Variants in XPNPEP1 observed in about 807,000 individuals in gnomAD.
The protein encoded by XPNPEP1 is X-prolyl aminopeptidase 1.
A neutral mutation model predicts 92.4 loss-of-function variants in XPNPEP1; 39 were observed. The ratio of observed to expected loss-of-function variants is 0.42; its 90% CI spans 0.33 to 0.55. The LOEUF (loss-of-function observed/expected upper bound fraction) is 0.55. Ranked by LOEUF, XPNPEP1 falls within the 20% of genes least tolerant of loss-of-function variation. XPNPEP1 has a pLI of 0.08. For synonymous variants in XPNPEP1, 307 were observed against 299.4 expected, an observed-to-expected ratio of 1.03 and a Z score of -0.26; for missense variants, 654 against 856.1, an observed-to-expected ratio of 0.76 and a Z score of 2.95.
intron 14 of XPNPEP1, 103 bp from the exon 15 acceptor site, chr10:109,875,702 A>G (rs1042123885): frequency 2.4e-6 from 2 of 844,396 alleles, no homozygotes; most frequent in African/African-American, 1.7e-5. Flanking sequence ...TGCAACTTAC[A>G]TAAGCCTGAA....
rs1318691913 is a variant in XPNPEP1, at chr10:109,904,937, A to G, written c.246+2754T>C. On this transcript the variant is annotated intron_variant, in intron 3 of 20. Transcript: ENST00000502935. ...TATATCCAAAAGAATGGAAAACAGG[A>G]TCTCAAAAAGATACTTGCAAACCCA... is the stretch of plus-strand genomic sequence containing the variant. 1.3e-5 allele frequency among the ~76,000 whole-genome samples: 2 copies of G among 152,166 alleles called. 1 individual carries two copies. Among genetic ancestry groups the G allele is most frequent in the Non-Finnish European group, 2.9e-5 (2 of 68,034 alleles).
Position 109,888,610 on chromosome 10 carries a change from AATG to A in XPNPEP1, c.416-18_416-16del. 1 of 1,582,660 alleles carries A rather than the reference AATG, an allele frequency of 6.3e-7. No individual in the cohort carries two copies. The highest frequency in any genetic ancestry group is 8.6e-7 in the Non-Finnish European group (1 of 1,161,438). On this transcript the variant is annotated splice_polypyrimidine_tract_variant and intron_variant, in intron 5 of 20. Coordinates refer to ENST00000502935, the MANE Select transcript of XPNPEP1 (RefSeq NM_020383.4). ...GTCCTTCAGACCTACAGGGGGAAGA[AATG>A]ATAAGAAACAATTCCCAGTGGGCCC...
Position 109,870,760 on chromosome 10 carries a change from G to T in XPNPEP1, c.1667C>A (p.Pro556His). Residue 556 changes from proline to histidine, a missense_variant, in exon 18 of 21, where the codon CCC becomes CAC. Transcript: ENST00000502935. Reference protein sequence around the residue: ...GISYKTFSDEPLEAGMIVTDE... With the variant: ...GISYKTFSDEHLEAGMIVTDE... ...AGTGACAATCATGCCTGCCTCCAAG[G>T]GCTCATCAGAGAATGTTTTGTAACT... is the stretch of plus-strand genomic sequence containing the variant. The T allele has an allele frequency of 6.2e-7, 1 of 1,614,018 alleles. No homozygotes were observed. Among genetic ancestry groups the T allele is most frequent in the Non-Finnish European group, 8.5e-7 (1 of 1,180,020 alleles).
chr10:109,888,654 C>A, intron 5 of XPNPEP1, 59 bp from the exon 6 acceptor site: 1 of 1,358,340 alleles, frequency 7.4e-7, no homozygotes, highest in South Asian at 1.4e-5. Context: ...CATTATCCCA[C>A]CAGAAAGATA....
chr10:109,882,653 A>C lies in XPNPEP1; in HGVS notation c.831-11T>G, dbSNP rs758656354. ...CCATCAATGAAGAGCCTGCAGATGG[A>C]GGAGAGGTGGGTGGCAGAAAAAGGA... On this transcript the variant is annotated splice_polypyrimidine_tract_variant and intron_variant, in intron 9 of 20. Coordinates refer to ENST00000502935, the MANE Select transcript of XPNPEP1 (RefSeq NM_020383.4). The C allele has an allele frequency of 3.7e-6, 6 of 1,613,606 alleles. No individual in the cohort carries two copies. The highest frequency in any genetic ancestry group is 4.2e-6 in the Non-Finnish European group (5 of 1,179,704).
At chr10:109,891,907 G>T in intron 4 of XPNPEP1, 81 bp from the exon 5 acceptor site, 1 of 1,408,024 alleles carries the variant, frequency 7.1e-7, no homozygotes, top group Non-Finnish European at 9.8e-7. Context: ...CAGTAGACAG[G>T]CAAGAGCAGT....
intron 9 of XPNPEP1, 177 bp downstream of exon 9, chr10:109,883,890 G>A: frequency 1.7e-6 from 1 of 587,242 alleles, no homozygotes; most frequent in Non-Finnish European, 2.9e-6. Flanking sequence ...AGAGAGGCAG[G>A]ATATAAATAA....
intron 2 of XPNPEP1, 108 bp from the exon 3 acceptor site, chr10:109,907,923 C>T (rs1467976793): frequency 6.7e-7 from 1 of 1,490,040 alleles, no homozygotes; most frequent in Non-Finnish European, 9.0e-7. Context: ...TGCCCCACTC[C>T]CAGTTAGGTC....
At chr10:109,872,530 C>T (rs1847545594) in intron 16 of XPNPEP1, among the ~76,000 whole-genome samples, 1 of 152,204 alleles carries the variant, frequency 6.6e-6, no homozygotes, top group African/African-American at 2.4e-5. Context: ...AAGAGTCACA[C>T]CAAAAGAATC....
Position 109,915,357 on chromosome 10 carries a change from A to C in XPNPEP1, c.33-258T>G, listed in dbSNP as rs76535631. ...CACCTCCTATTTAACTAGACTAAGAAGACTTATTTTCAATGTTTTTTCCTT... is the reference window on the plus strand; with the variant it reads ...CACCTCCTATTTAACTAGACTAAGACGACTTATTTTCAATGTTTTTTCCTT... On this transcript the variant is annotated intron_variant, in intron 1 of 20. Transcript: ENST00000502935. 6.8e-3 allele frequency among the ~76,000 whole-genome samples: 1,042 copies of C among 152,340 alleles called. 11 individuals are homozygous for C. The highest frequency in any genetic ancestry group is 0.024 in the African/African-American group (985 of 41,574).
At chr10:109,906,443 C>T (rs151226291) in intron 3 of XPNPEP1, among the ~76,000 whole-genome samples, 3 of 152,258 alleles carry the variant, frequency 2.0e-5, no homozygotes, top group African/African-American at 7.2e-5. Context: ...ACCCTCCCGT[C>T]CCAGTTCTTC....
At chr10:109,913,846 AAAG>A (rs1850019964) in intron 2 of XPNPEP1, among the ~76,000 whole-genome samples, 1 of 152,196 alleles carries the variant, frequency 6.6e-6, no homozygotes, top group Admixed American at 6.5e-5. Flanking sequence ...ACAAAAAGAA[AAAG>A]AAGTTATCTT....
At chr10:109,917,879 T>C (rs564065708) in intron 1 of XPNPEP1, among the ~76,000 whole-genome samples, 1 of 152,294 alleles carries the variant, frequency 6.6e-6, no homozygotes, top group South Asian at 2.1e-4. Context: ...CTTCCACAAA[T>C]GGTGCTGGGA....
chr10:109,888,354 T>C (rs1385762311), intron 6 of XPNPEP1, 149 bp downstream of exon 6: 2 of 1,231,786 alleles, frequency 1.6e-6, no homozygotes, highest in South Asian at 1.5e-5. Flanking sequence ...TCACCACCAG[T>C]GGAACTCTTC....
intron 2 of XPNPEP1, among the ~76,000 whole-genome samples, chr10:109,908,848 G>T (rs1216675158): frequency 6.6e-6 from 1 of 152,168 alleles, no homozygotes; most frequent in African/African-American, 2.4e-5. Context: ...TCCAGCTACA[G>T]ATTTAGAGAA....
intron 1 of XPNPEP1, 77 bp from the exon 2 acceptor site, chr10:109,915,176 G>A (rs1850117893): frequency 2.3e-5 from 18 of 769,400 alleles, no homozygotes; most frequent in East Asian, 6.1e-5. Context: ...AGGAGGCATC[G>A]CTTAACTTAG....
chr10:109,865,723 TA>T (rs1847103745), intron 20 of XPNPEP1, among the ~76,000 whole-genome samples: 1 of 152,312 alleles, frequency 6.6e-6, no homozygotes, highest in Admixed American at 6.5e-5. Context: ...ACATATCCTA[TA>T]TCCACTGAAA....
At chr10:109,888,945 C>A (rs1245062705) in intron 5 of XPNPEP1, among the ~76,000 whole-genome samples, 1 of 152,236 alleles carries the variant, frequency 6.6e-6, no homozygotes, top group South Asian at 2.1e-4. Context: ...CACTTCCCCA[C>A]TACTGGTCAC....
intron 16 of XPNPEP1, among the ~76,000 whole-genome samples, chr10:109,872,120 C>T (rs1348878317): frequency 6.6e-6 from 1 of 152,224 alleles, no homozygotes; most frequent in Non-Finnish European, 1.5e-5. Context: ...CTCTGACATA[C>T]TCCATCATGT....
Sources: gnomAD v4.1 joint callset for allele counts (sites outside exome capture counted in the v4.1 genomes callset) on GRCh38, gnomAD v4.1.1 for gene constraint, MANE v1.5 for transcripts, NCBI Gene and HGNC (gene_info 2026-07-23, HGNC 2026-07-21) for gene names.